PGAP1: variants seen among roughly 807,000 people sequenced by gnomAD.
PGAP1 encodes the protein post-GPI attachment to proteins inositol deacylase 1.
A neutral mutation model predicts 127.0 loss-of-function variants in PGAP1; 76 were observed. The observed-to-expected ratio is 0.60, with a 90% CI of 0.50 to 0.72. PGAP1 has a LOEUF of 0.72. Among genes scored for constraint, PGAP1 ranks in the 30% least tolerant of loss-of-function variants. The pLI is 0.00. For synonymous variants in PGAP1, 362 were observed against 366.5 expected, an observed-to-expected ratio of 0.99 and a Z score of 0.14; for missense variants, 982 against 1,071.3, an observed-to-expected ratio of 0.92 and a Z score of 1.16.
chr2:196,868,565 G>C (rs982681665), intron 19 of PGAP1, among the ~76,000 whole-genome samples: 3 of 152,060 alleles, frequency 2.0e-5, no homozygotes, highest in African/African-American at 7.2e-5. Flanking sequence ...CAGATTTCTA[G>C]GTTCTCTTAA....
intron 24 of PGAP1, 86 bp from the exon 25 acceptor site, chr2:196,844,161 A>AGTTG: frequency 8.0e-6 from 6 of 753,112 alleles, no homozygotes; most frequent in African/African-American, 1.8e-5. Context: ...TTATCAACTA[A>AGTTG]ATAAGTACAT....
intron 22 of PGAP1, 38 bp from the exon 23 acceptor site, chr2:196,846,055 CAA>C: frequency 9.4e-6 from 12 of 1,280,332 alleles, no homozygotes; most frequent in Non-Finnish European, 1.2e-5. Flanking sequence ...TATATATTAA[CAA>C]ATATTTATAT....
intron 4 of PGAP1, among the ~76,000 whole-genome samples, chr2:196,905,711 T>A (rs1185440172): frequency 6.7e-6 from 1 of 148,990 alleles, no homozygotes; most frequent in African/African-American, 2.5e-5. Context: ...CACTAGGGAG[T>A]GCCAGACAGT....
chr2:196,845,956 C>G lies in PGAP1; in HGVS notation c.2212G>C (p.Val738Leu). 2 of 1,608,428 alleles carry G rather than the reference C, an allele frequency of 1.2e-6. No homozygotes were observed. Among genetic ancestry groups the G allele is most frequent in the Non-Finnish European group, 1.7e-6 (2 of 1,176,408 alleles). The change falls in exon 23 of 27, where the codon GTC (valine) becomes CTC (leucine). Residue 738 changes from valine (V) to leucine (L), a missense_variant. By Grantham distance (32) the Val-to-Leu change is conservative. Transcript: ENST00000354764. ...GTTGTCCAACTAACTATGATCAAGA[C>G]AATTGTCAAAAAGGGCAAGTCTGGT... ...ISPDLPFLTI[V>L]LIIVSWTTCG...
At chr2:196,866,562 CA>C (rs1168402625) in intron 19 of PGAP1, among the ~76,000 whole-genome samples, 1 of 152,100 alleles carries the variant, frequency 6.6e-6, no homozygotes, top group East Asian at 1.9e-4. Flanking sequence ...TAGGCATGGG[CA>C]AAGACTTCAT....
At chr2:196,900,921 C>T (rs376532203) in intron 5 of PGAP1, among the ~76,000 whole-genome samples, 6 of 150,920 alleles carry the variant, frequency 4.0e-5, no homozygotes, top group South Asian at 4.2e-4. Flanking sequence ...AGCGAGACTC[C>T]GTCTCAAAAA....
At chr2:196,885,708 TA>T in intron 11 of PGAP1, 125 bp downstream of exon 11, 1 of 725,500 alleles carries the variant, frequency 1.4e-6, no homozygotes, top group Non-Finnish European at 2.0e-6. Context: ...CTTTTCATTT[TA>T]AAAACAATAT....
chr2:196,890,726 A>T, intron 10 of PGAP1, 102 bp downstream of exon 10: 1 of 649,304 alleles, frequency 1.5e-6, no homozygotes, highest in African/African-American at 1.8e-5. Context: ...TCAACTACTT[A>T]GATTTAATAG....
chr2:196,853,159 T>C lies in PGAP1; in HGVS notation c.1862-5122A>G, dbSNP rs1028576345. Among the ~76,000 whole-genome samples, 3 of 152,230 alleles carry C rather than the reference T, an allele frequency of 2.0e-5. No homozygotes were observed. The South Asian group carries it at 6.2e-4, about 32-fold the overall frequency. ...CCTCTACACTGTCCAGAGTTTCTGTTTCTGCCACATTTCCTCCTGAGATCT... is the reference window on the plus strand; with the variant it reads ...CCTCTACACTGTCCAGAGTTTCTGTCTCTGCCACATTTCCTCCTGAGATCT... On this transcript the variant is annotated intron_variant, in intron 20 of 26. Coordinates refer to ENST00000354764, the MANE Select transcript of PGAP1 (RefSeq NM_024989.4).
chr2:196,866,612 T>C (rs1280465059), intron 19 of PGAP1, among the ~76,000 whole-genome samples: 11 of 152,108 alleles, frequency 7.2e-5, no homozygotes, highest in Admixed American at 6.5e-4. Context: ...AAAGCCAAAA[T>C]TGGCAAATGG....
intron 20 of PGAP1, among the ~76,000 whole-genome samples, chr2:196,853,910 A>ATTTTT (rs59361073): frequency 7.7e-6 from 1 of 130,432 alleles, no homozygotes; most frequent in South Asian, 2.5e-4. Flanking sequence ...CCAAAGATGA[A>ATTTTT]TTTTTTTTTT....
intron 1 of PGAP1, among the ~76,000 whole-genome samples, chr2:196,923,932 T>C (rs1023238419): frequency 1.3e-5 from 2 of 152,210 alleles, no homozygotes; most frequent in African/African-American, 4.8e-5. Flanking sequence ...CCTAAAACCA[T>C]TTGCTACCAA....
chr2:196,865,093 T>C lies in PGAP1; in HGVS notation c.1768-13A>G. The C allele has an allele frequency of 6.9e-7, 1 of 1,446,152 alleles. No homozygotes were observed. Among genetic ancestry groups the C allele is most frequent in the Non-Finnish European group, 9.4e-7 (1 of 1,066,952 alleles). The allele number at this position is 1,446,152 out of a possible 1,614,324, so 89.6% of individuals were successfully genotyped here. A position where few individuals can be genotyped will look rare whatever the true frequency, so the allele number is the denominator to read the frequency against. ...GAAATCTAACTACCTAAAAAACAGG[T>C]AAGTCAATGGGCAACTCCTGAATAT... is the stretch of plus-strand genomic sequence containing the variant. On this transcript the variant is annotated splice_polypyrimidine_tract_variant and intron_variant, in intron 19 of 26. Transcript: ENST00000354764.
intron 3 of PGAP1, among the ~76,000 whole-genome samples, chr2:196,914,190 C>T (rs1177652775): frequency 1.3e-5 from 2 of 152,206 alleles, no homozygotes; most frequent in Admixed American, 1.3e-4. Context: ...TGCATTATTG[C>T]TTTTCCCTAT....
chr2:196,862,093 C>T (rs1701086663), intron 20 of PGAP1, among the ~76,000 whole-genome samples: 1 of 151,956 alleles, frequency 6.6e-6, no homozygotes, highest in African/African-American at 2.4e-5. Flanking sequence ...TGCTAGTGAG[C>T]AGGGCAGAAC....
intron 20 of PGAP1, among the ~76,000 whole-genome samples, chr2:196,858,189 CAGG>C (rs757802177): frequency 8.9e-4 from 136 of 152,124 alleles, no homozygotes; most frequent in Admixed American, 3.4e-3. Flanking sequence ...ATCACGAGGT[CAGG>C]AGATCGAGAC....
At chr2:196,923,586 T>C (rs541078372) in intron 1 of PGAP1, among the ~76,000 whole-genome samples, 40 of 152,190 alleles carry the variant, frequency 2.6e-4, no homozygotes, top group Non-Finnish European at 5.1e-4. Context: ...TGGCAAAGAC[T>C]AGTCATTCAA....
intron 5 of PGAP1, among the ~76,000 whole-genome samples, chr2:196,901,436 GTATCTATGAAGAGGTA>G (rs1355028096): frequency 1.3e-5 from 2 of 152,146 alleles, no homozygotes; most frequent in African/African-American, 4.8e-5. Context: ...GAAAAAAGGA[GTATCTATGAAGAGGTA>G]TAACTATGAA....
intron 22 of PGAP1, among the ~76,000 whole-genome samples, chr2:196,846,796 G>A (rs1230228019): frequency 1.3e-5 from 2 of 152,122 alleles, no homozygotes; most frequent in South Asian, 2.1e-4. Context: ...ACTCTTGAGC[G>A]CTAAGGTCAA....
Sources: allele counts gnomAD v4.1 joint callset (sites outside exome capture counted in the v4.1 genomes callset), GRCh38; gene constraint gnomAD v4.1.1; transcripts MANE v1.5; gene names NCBI Gene and HGNC (gene_info 2026-07-23, HGNC 2026-07-21).